The following C14orf39 variants were observed in gnomAD, a reference collection of about 807,000 sequenced individuals.
C14orf39 encodes protein SIX6OS1.
C14orf39 carries 66 observed loss-of-function variants against 85.6 expected under a neutral mutation model. That is an observed-to-expected ratio of 0.77 (90% CI 0.63 to 0.95). C14orf39 has a LOEUF of 0.95. Ranked by LOEUF, C14orf39 falls within the 40% of genes least tolerant of loss-of-function variation. The pLI is 0.00. For missense variants in C14orf39, 735 were observed against 663.9 expected (o/e 1.11, Z -1.18); for synonymous variants, 242 against 214.0 (o/e 1.13, Z -1.14).
chr14:60,439,903 G>A (rs1414161249), intron 17 of C14orf39, among the ~76,000 whole-genome samples: 5 of 152,146 alleles, frequency 3.3e-5, no homozygotes, highest in Non-Finnish European at 4.4e-5. Flanking sequence ...GTGAGACCCC[G>A]TCTCTACTAA....
intron 1 of C14orf39, chr14:60,509,212 GCCAGCACCTCCT>G (rs1288057229): frequency 6.5e-6 from 4 of 611,756 alleles, no homozygotes; most frequent in Non-Finnish European, 1.2e-5. Flanking sequence ...AAGCCGCGGA[GCCAGCACCTCCT>G]CCAGTCGGGG....
At chr14:60,469,233 A>G (rs1891948359) in intron 8 of C14orf39, among the ~76,000 whole-genome samples, 1 of 150,266 alleles carries the variant, frequency 6.7e-6, no homozygotes, top group Non-Finnish European at 1.5e-5. Context: ...TTCCTTCCTC[A>G]TGTTCTCTCC....
At chr14:60,449,686 T>C (rs1407157569) in intron 16 of C14orf39, among the ~76,000 whole-genome samples, 2 of 152,214 alleles carry the variant, frequency 1.3e-5, no homozygotes, top group Non-Finnish European at 2.9e-5. Flanking sequence ...ATTTCCTCTA[T>C]TGTTTGTTTT....
At chr14:60,440,625 TA>T (rs1890465518) in intron 17 of C14orf39, among the ~76,000 whole-genome samples, 1 of 152,154 alleles carries the variant, frequency 6.6e-6, no homozygotes, top group South Asian at 2.1e-4. Context: ...ATAATTCTTT[TA>T]AAACCTGTCA....
chr14:60,442,064 A>T lies in C14orf39; in HGVS notation c.1561+10T>A. 1 of 1,605,424 alleles carries T rather than the reference A, an allele frequency of 6.2e-7. No homozygotes were observed. The highest frequency in any genetic ancestry group is 1.3e-5 in the African/African-American group (1 of 74,848). On this transcript the variant is annotated intron_variant, in intron 17 of 17. Coordinates refer to ENST00000321731, the MANE Select transcript of C14orf39 (RefSeq NM_174978.3). ...ATGTTTTTAAAGGTAGCAAACTTCAAACAACTTACCAATCTCTTGCTCTGA... is the reference window on the plus strand; with the variant it reads ...ATGTTTTTAAAGGTAGCAAACTTCATACAACTTACCAATCTCTTGCTCTGA...
chr14:60,469,376 C>T (rs1173619340), intron 8 of C14orf39, among the ~76,000 whole-genome samples, 157 bp downstream of exon 8: 2 of 148,250 alleles, frequency 1.3e-5, no homozygotes, highest in South Asian at 2.1e-4. Flanking sequence ...ATATTCAGTA[C>T]CTAAAATACC....
intron 1 of C14orf39, chr14:60,511,534 C>T (rs1893294579): frequency 1.8e-6 from 1 of 561,670 alleles, no homozygotes; most frequent in Non-Finnish European, 3.2e-6. Context: ...AAGTCTCCTT[C>T]GGAACCCGAA....
chr14:60,467,159 A>T (rs1289077838), intron 9 of C14orf39, 115 bp from the exon 10 acceptor site: 1 of 436,294 alleles, frequency 2.3e-6, no homozygotes, highest in Non-Finnish European at 3.6e-6. Context: ...GCAGATAATA[A>T]AACTGAGTTC....
At chr14:60,483,947 T>G (rs934187831) in intron 3 of C14orf39, 130 bp from the exon 4 acceptor site, 7 of 604,816 alleles carry the variant, frequency 1.2e-5, no homozygotes, top group Non-Finnish European at 1.9e-5. Flanking sequence ...GAAACGAGGC[T>G]TGAGATGGGT....
chr14:60,482,253 T>C (rs1892676141), intron 4 of C14orf39, among the ~76,000 whole-genome samples: 1 of 152,168 alleles, frequency 6.6e-6, no homozygotes, highest in Non-Finnish European at 1.5e-5. Flanking sequence ...CCAATGCAGC[T>C]AATTGAGGAA....
intron 4 of C14orf39, 152 bp from the exon 5 acceptor site, chr14:60,478,541 A>G: frequency 2.1e-6 from 1 of 467,948 alleles, no homozygotes; most frequent in Admixed American, 4.2e-5. Flanking sequence ...TTTCCATCTC[A>G]TATCACTCCC....
At position 60,495,942 on chromosome 14, in the gene C14orf39, G is replaced by A; in HGVS notation, c.-9+3354C>T. The A allele has an allele frequency of 8.8e-6, 4 of 452,816 alleles. No individual in the cohort carries two copies. In the Admixed American group the frequency reaches 9.4e-5, roughly 11 times the overall value. 28.0% of individuals were successfully genotyped at this position (452,816 alleles called of 1,614,324 possible). A position where few individuals can be genotyped will look rare whatever the true frequency, so the allele number is the denominator to read the frequency against. The stretch of plus-strand genomic sequence containing the variant: ...GTGTGAGGTAGCAAAGTACTCAGGG[G>A]GCAAGACATGACATTTGGGAGCACA... On this transcript the variant is annotated intron_variant, in intron 2 of 5. Coordinates refer to the C14orf39 transcript ENST00000556799.
At chr14:60,464,405 T>C (rs1221066188) in intron 11 of C14orf39, among the ~76,000 whole-genome samples, 2 of 152,156 alleles carry the variant, frequency 1.3e-5, no homozygotes, top group Admixed American at 6.6e-5. Context: ...TTATTTCACA[T>C]GTAGCCAAAC....
intron 16 of C14orf39, among the ~76,000 whole-genome samples, chr14:60,453,189 A>C (rs1396988925): frequency 6.6e-6 from 1 of 151,930 alleles, no homozygotes; most frequent in Non-Finnish European, 1.5e-5. Flanking sequence ...ATTTTTGTCT[A>C]TTTCTCTCTT....
intron 4 of C14orf39, among the ~76,000 whole-genome samples, chr14:60,482,648 G>C (rs1892691401): frequency 6.6e-6 from 1 of 152,096 alleles, no homozygotes; most frequent in Admixed American, 6.5e-5. Flanking sequence ...TCTATATGTG[G>C]AAGTATATCT....
intron 1 of C14orf39, chr14:60,511,262 C>T (rs774336797): frequency 8.7e-6 from 14 of 1,612,932 alleles, no homozygotes; most frequent in African/African-American, 1.3e-5. Context: ...AGTTGCCCAT[C>T]CAGGATGCTC....
At chr14:60,489,806 T>G (rs1409756528), upstream of C14orf39, among the ~76,000 whole-genome samples, 2 of 152,232 alleles carry the variant, frequency 1.3e-5, no homozygotes, top group East Asian at 1.9e-4. Flanking sequence ...CATTAAAGGT[T>G]TTATGAGTCA....
At chr14:60,443,385 C>T (rs1030788095) in intron 16 of C14orf39, among the ~76,000 whole-genome samples, 4 of 152,210 alleles carry the variant, frequency 2.6e-5, no homozygotes, top group African/African-American at 9.6e-5. Context: ...GTGCCTGGCT[C>T]GGTGAGTGCC....
At chr14:60,465,907 G>A (rs1891763192) in intron 11 of C14orf39, 72 bp downstream of exon 11, 2 of 686,206 alleles carry the variant, frequency 2.9e-6, no homozygotes, top group South Asian at 2.3e-5. Context: ...TGTGTCTTAA[G>A]GGCAGTACAT....
Sources: allele counts gnomAD v4.1 joint callset (sites outside exome capture counted in the v4.1 genomes callset), GRCh38; gene constraint gnomAD v4.1.1; transcripts MANE v1.5; gene names NCBI Gene and HGNC (gene_info 2026-07-23, HGNC 2026-07-21).